DPYD: variants seen among roughly 807,000 people sequenced by gnomAD.
DPYD encodes dihydropyrimidine dehydrogenase.
In DPYD, 109 loss-of-function variants were observed where a neutral mutation model predicts 116.2. The observed-to-expected ratio is 0.94, with a 90% confidence interval of 0.80 to 1.10. DPYD has a LOEUF of 1.10. DPYD is among the 50% of genes least tolerant of loss of function. The pLI is 0.00. For synonymous variants in DPYD, 440 were observed against 432.0 expected (o/e 1.02, Z -0.23); for missense variants, 1,302 against 1,254.5 (o/e 1.04, Z -0.57).
chr1:97,146,008 C>A (rs1184773800), intron 20 of DPYD, among the ~76,000 whole-genome samples: 3 of 152,144 alleles, frequency 2.0e-5, no homozygotes, highest in Non-Finnish European at 4.4e-5. Flanking sequence ...AAAAAAATAT[C>A]TCTCCCAATG....
intron 3 of DPYD, among the ~76,000 whole-genome samples, chr1:97,805,388 G>T (rs1188141883): frequency 6.6e-6 from 1 of 151,516 alleles, no homozygotes; most frequent in Admixed American, 6.6e-5. Flanking sequence ...AAATATAGGG[G>T]AAAAAAGACA....
intron 3 of DPYD, among the ~76,000 whole-genome samples, chr1:97,758,899 C>T (rs985549921): frequency 6.6e-6 from 1 of 152,162 alleles, no homozygotes; most frequent in Non-Finnish European, 1.5e-5. Context: ...CCTGTCCCTG[C>T]TACTTGGAGG....
At chr1:97,178,808 T>C (rs1657462608) in intron 20 of DPYD, among the ~76,000 whole-genome samples, 1 of 152,192 alleles carries the variant, frequency 6.6e-6, no homozygotes. Flanking sequence ...TCTTAGTGGC[T>C]TAACAAAATA....
At chr1:97,183,735 GTCT>G (rs891535013) in intron 20 of DPYD, among the ~76,000 whole-genome samples, 3 of 152,034 alleles carry the variant, frequency 2.0e-5, no homozygotes, top group Non-Finnish European at 4.4e-5. Context: ...ATTATTTTAA[GTCT>G]TCTTTAATTT....
chr1:97,533,708 A>G (rs972318961), intron 12 of DPYD, among the ~76,000 whole-genome samples: 1 of 152,228 alleles, frequency 6.6e-6, no homozygotes, highest in Non-Finnish European at 1.5e-5. Context: ...GTAAGTCAAC[A>G]ACATATCAGC....
chr1:97,269,694 A>G (rs2100886164), intron 18 of DPYD, among the ~76,000 whole-genome samples: 1 of 152,216 alleles, frequency 6.6e-6, no homozygotes, highest in South Asian at 2.1e-4. Context: ...CTCACATGGT[A>G]GAGAGAGAGC....
Position 97,803,533 on chromosome 1 carries a change from A to G in DPYD, c.233+24581T>C, listed in dbSNP as rs150842168. Among the ~76,000 whole-genome samples, 1,030 of 152,056 alleles carry G rather than the reference A, an allele frequency of 6.8e-3. 7 individuals carry two copies. The highest frequency in any genetic ancestry group is 0.011 in the Non-Finnish European group (775 of 67,870). On this transcript the variant is annotated intron_variant, in intron 3 of 22. Coordinates refer to ENST00000370192, the MANE Select transcript of DPYD (RefSeq NM_000110.4). ...ATATTCAGAGAATGAAAATATGGAC[A>G]CACATACTTCTATCCAAGTATCTAT...
chr1:97,294,723 A>G (rs1666417634), intron 18 of DPYD, among the ~76,000 whole-genome samples: 1 of 152,206 alleles, frequency 6.6e-6, no homozygotes. Flanking sequence ...TTATTACTAT[A>G]TTGATGGCAG....
intron 1 of DPYD, among the ~76,000 whole-genome samples, chr1:97,888,391 A>G (rs912402315): frequency 2.6e-5 from 4 of 152,052 alleles, no homozygotes; most frequent in African/African-American, 9.7e-5. Context: ...GCAAACCAAA[A>G]TACTGTAATG....
chr1:97,333,581 C>T (rs144050628), intron 16 of DPYD, among the ~76,000 whole-genome samples: 4,133 of 137,888 alleles, frequency 0.03, 192 homozygotes, highest in African/African-American at 0.11. Flanking sequence ...AGTGCAATGG[C>T]AAGATCTCAG....
At chr1:97,557,611 T>C (rs887365867) in intron 11 of DPYD, among the ~76,000 whole-genome samples, 2 of 152,138 alleles carry the variant, frequency 1.3e-5, no homozygotes, top group South Asian at 2.1e-4. Context: ...CCATCGCATC[T>C]GGTCCCATTC....
intron 3 of DPYD, among the ~76,000 whole-genome samples, chr1:97,793,168 T>C (rs1283036985): frequency 6.6e-6 from 1 of 152,166 alleles, no homozygotes; most frequent in Non-Finnish European, 1.5e-5. Context: ...ATTCCTAAGT[T>C]TTAAAATATG....
intron 14 of DPYD, among the ~76,000 whole-genome samples, chr1:97,406,788 T>C (rs932740056): frequency 7.9e-5 from 12 of 152,326 alleles, no homozygotes; most frequent in Admixed American, 7.2e-4. Flanking sequence ...GGTATTGATA[T>C]TAATCTACAA....
At chr1:97,339,079 AG>A (rs1242411170) in intron 16 of DPYD, among the ~76,000 whole-genome samples, 2 of 152,026 alleles carry the variant, frequency 1.3e-5, no homozygotes, top group African/African-American at 4.8e-5. Context: ...TAAAAAAAAA[AG>A]AGAGTAGCTA....
In DPYD at chr1:97,705,080, T is replaced by A. The variant is rs962965887; in HGVS notation, c.484-5533A>T. ...CTAGGTAAGAAACCTGTGGTCAGGT[T>A]CACATACAAAAGATTTTATCTTAAG... is the stretch of plus-strand genomic sequence containing the variant. On this transcript the variant is annotated intron_variant, in intron 5 of 22. Transcript: ENST00000370192. 5.9e-5 allele frequency among the ~76,000 whole-genome samples: 9 copies of A among 152,052 alleles called. No homozygotes were observed. The South Asian group carries it at 1.9e-3, about 32-fold the overall frequency.
chr1:97,803,611 A>T (rs139539961), intron 3 of DPYD, among the ~76,000 whole-genome samples: 2,693 of 151,962 alleles, frequency 0.018, 93 homozygotes, highest in African/African-American at 0.061. Context: ...GAAAAATGTG[A>T]CTTCTCCAAT....
chr1:97,388,539 G>A (rs1408616753), intron 14 of DPYD, among the ~76,000 whole-genome samples: 5 of 152,070 alleles, frequency 3.3e-5, no homozygotes, highest in African/African-American at 2.4e-5. Context: ...ACAATCAACC[G>A]TGATGAATGC....
chr1:97,562,443 A>T (rs1017812553), intron 11 of DPYD, among the ~76,000 whole-genome samples: 1 of 152,186 alleles, frequency 6.6e-6, no homozygotes, highest in African/African-American at 2.4e-5. Flanking sequence ...TATGGAAAAA[A>T]TGGTCAGGTA....
chr1:97,365,857 C>G (rs577382657), intron 16 of DPYD, among the ~76,000 whole-genome samples: 2 of 152,272 alleles, frequency 1.3e-5, no homozygotes, highest in Admixed American at 1.3e-4. Context: ...TGGTCTCAAA[C>G]TCCTTAGCTC....
Sources: allele counts gnomAD v4.1 joint callset (sites outside exome capture counted in the v4.1 genomes callset), GRCh38; gene constraint gnomAD v4.1.1; transcripts MANE v1.5; gene names NCBI Gene and HGNC (gene_info 2026-07-23, HGNC 2026-07-21).